Variants in WFDC2 observed in about 807,000 individuals in gnomAD.
WFDC2 encodes the protein WAP four-disulfide core domain protein 2.
Under a neutral mutation model 12.5 loss-of-function variants are expected in WFDC2, and 8 were observed. The ratio of observed to expected loss-of-function variants is 0.64; its 90% CI spans 0.37 to 1.15. The LOEUF is 1.15. WFDC2 is among the 50% of genes most tolerant of loss of function. The probability of loss-of-function intolerance (pLI) is 0.01; values close to 1 mark genes in which losing one functional copy is unlikely to be tolerated. For missense variants in WFDC2, 166 were observed against 159.9 expected (o/e 1.04, Z -0.21); for synonymous variants, 74 against 67.2 (o/e 1.10, Z -0.49).
chr20:45,471,594 G>T (rs1221651520), intron 2 of WFDC2, among the ~76,000 whole-genome samples: 1 of 152,212 alleles, frequency 6.6e-6, no homozygotes, highest in Non-Finnish European at 1.5e-5. Context: ...CAGCTTCAAG[G>T]TCATGAGTCC....
At chr20:45,478,520 G>A (rs979655238) in intron 2 of WFDC2, among the ~76,000 whole-genome samples, 1 of 152,104 alleles carries the variant, frequency 6.6e-6, no homozygotes. Flanking sequence ...AATGAGATGA[G>A]CCACGTACCT....
intron 2 of WFDC2, among the ~76,000 whole-genome samples, chr20:45,478,455 C>A (rs1341239580): frequency 6.6e-6 from 1 of 152,050 alleles, no homozygotes; most frequent in Admixed American, 6.6e-5. Flanking sequence ...GAGATGATGC[C>A]CTACCCTACT....
At chr20:45,478,947 G>T (rs1372568517) in intron 2 of WFDC2, among the ~76,000 whole-genome samples, 1 of 152,190 alleles carries the variant, frequency 6.6e-6, no homozygotes, top group Non-Finnish European at 1.5e-5. Context: ...TAATCACCCA[G>T]TTCTGTGCCT....
At chr20:45,471,039 C>G in intron 2 of WFDC2, 1 of 427,404 alleles carries the variant, frequency 2.3e-6, no homozygotes. Context: ...ATGCCCCGCT[C>G]ATCTTAAAGA....
chr20:45,469,899 C>A, intron 1 of WFDC2, 39 bp downstream of exon 1: 1 of 1,555,580 alleles, frequency 6.4e-7, no homozygotes, highest in African/African-American at 1.4e-5. Context: ...CTAGAGGGGC[C>A]GAGCCACGAG....
chr20:45,474,891 C>T lies in WFDC2; in HGVS notation c.223+4359C>T, dbSNP rs151010865. On this transcript the variant is annotated intron_variant, in intron 2 of 3. Transcript: ENST00000372676. ...GGTCGATTCAGGGATTCGACTTCTT[C>T]CTGGTTTAGACTTGGGAGGGTGTAT... Among the ~76,000 whole-genome samples the T allele has an allele frequency of 2.1e-3, 316 of 152,266 alleles. 1 individual carries two copies. The highest frequency in any genetic ancestry group is 7.4e-3 in the African/African-American group (307 of 41,548).
At chr20:45,471,743 A>G (rs1389173272) in intron 2 of WFDC2, among the ~76,000 whole-genome samples, 1 of 152,168 alleles carries the variant, frequency 6.6e-6, no homozygotes, top group Non-Finnish European at 1.5e-5. Context: ...TTGTTCCCTT[A>G]TCTCAGATGG....
intron 2 of WFDC2, among the ~76,000 whole-genome samples, chr20:45,475,372 G>A (rs1182545415): frequency 6.6e-6 from 1 of 152,102 alleles, no homozygotes; most frequent in African/African-American, 2.4e-5. Context: ...ATTCTGGTAT[G>A]TTATGTCTTT....
At chr20:45,478,001 G>A (rs920712835) in intron 2 of WFDC2, among the ~76,000 whole-genome samples, 3 of 152,140 alleles carry the variant, frequency 2.0e-5, no homozygotes, top group Non-Finnish European at 2.9e-5. Context: ...AATGGTGGAC[G>A]CCCCTCCCCC....
chr20:45,473,857 G>A (rs953031102), intron 2 of WFDC2, among the ~76,000 whole-genome samples: 4 of 151,962 alleles, frequency 2.6e-5, no homozygotes, highest in East Asian at 3.9e-4. Flanking sequence ...CTCTTATTTC[G>A]TTGAGCAGTG....
intron 2 of WFDC2, among the ~76,000 whole-genome samples, chr20:45,475,034 T>C (rs972762028): frequency 1.3e-5 from 2 of 152,218 alleles, no homozygotes; most frequent in African/African-American, 4.8e-5. Context: ...ATCCCCTTTG[T>C]CATTTTTTAT....
chr20:45,478,815 C>CG (rs113450991), intron 2 of WFDC2, among the ~76,000 whole-genome samples: 3,082 of 151,686 alleles, frequency 0.02, 143 homozygotes, highest in East Asian at 0.19. Flanking sequence ...TTTAGTAGAG[C>CG]GGGGGGTCTC....
At chr20:45,475,764 T>C (rs1362029260) in intron 2 of WFDC2, among the ~76,000 whole-genome samples, 1 of 152,192 alleles carries the variant, frequency 6.6e-6, no homozygotes, top group African/African-American at 2.4e-5. Flanking sequence ...CTGTCTAATA[T>C]TGACAGTGGG....
In WFDC2 at chr20:45,470,600, C is replaced by T; in HGVS notation, c.223+68C>T. ...TGGGCTGGGAGGAGGTGGGAGGGCC[C>T]GGGTTCCGGGAACAGGGGCGCCCCC... On this transcript the variant is annotated intron_variant, in intron 2 of 3. Coordinates refer to ENST00000372676, the MANE Select transcript of WFDC2 (RefSeq NM_006103.4). The surrounding 1 kb of genome is among the most constrained non-coding windows in gnomAD (Gnocchi z 5.4). 3.4e-6 allele frequency: 5 copies of T among 1,483,954 alleles called. No homozygotes were observed. Among genetic ancestry groups the T allele is most frequent in the Non-Finnish European group, 4.5e-6 (5 of 1,115,252 alleles). 91.9% of individuals were successfully genotyped at this position (1,483,954 alleles called of 1,614,324 possible). A position where few individuals can be genotyped will look rare whatever the true frequency, so the allele number is the denominator to read the frequency against.
At chr20:45,473,956 G>A (rs1991203015) in intron 2 of WFDC2, among the ~76,000 whole-genome samples, 1 of 152,094 alleles carries the variant, frequency 6.6e-6, no homozygotes, top group Non-Finnish European at 1.5e-5. Context: ...TTGTGAATGG[G>A]AATTCACTCA....
At chr20:45,474,115 C>T (rs1991204737) in intron 2 of WFDC2, among the ~76,000 whole-genome samples, 1 of 152,198 alleles carries the variant, frequency 6.6e-6, no homozygotes, top group South Asian at 2.1e-4. Context: ...ACAATCATTT[C>T]ATCTGCAAAC....
At position 45,475,875 on chromosome 20, in the gene WFDC2, T is replaced by C. The variant is rs146900211; in HGVS notation, c.224-4067T>C. ...AGGGTGCTCCTGTATTAGGTGCATA[T>C]ATATTTAGCATAATTAGCTCTTCTT... On this transcript the variant is annotated intron_variant, in intron 2 of 3. Coordinates refer to ENST00000372676, the MANE Select transcript of WFDC2 (RefSeq NM_006103.4). Among the ~76,000 whole-genome samples the C allele has an allele frequency of 2.3e-3, 346 of 152,360 alleles. 1 individual carries two copies. Among genetic ancestry groups the C allele is most frequent in the South Asian group, 0.014 (66 of 4,830 alleles).
At chr20:45,480,435 G>A (rs982196498) in intron 3 of WFDC2, among the ~76,000 whole-genome samples, 9 of 147,448 alleles carry the variant, frequency 6.1e-5, no homozygotes, top group East Asian at 6.0e-4. Flanking sequence ...GAGAAACCCC[G>A]TCTCTACTAA....
At chr20:45,471,294 G>C (rs1213257654) in intron 2 of WFDC2, 3 of 415,656 alleles carry the variant, frequency 7.2e-6, no homozygotes, top group African/African-American at 6.1e-5. Context: ...GCTTGCTGGA[G>C]CTGCAGTCTC....
Sources: gnomAD v4.1 joint callset for allele counts (sites outside exome capture counted in the v4.1 genomes callset) on GRCh38, gnomAD v4.1.1 for gene constraint, Gnocchi (gnomAD v3.1) non-coding constraint, MANE v1.5 for transcripts, NCBI Gene and HGNC (gene_info 2026-07-23, HGNC 2026-07-21) for gene names.